Variants in MAGI2 observed in about 807,000 individuals in gnomAD.
MAGI2 encodes the protein membrane-associated guanylate kinase, WW and PDZ domain-containing protein 2.
MAGI2 carries 35 observed loss-of-function variants against 133.3 expected under a neutral mutation model. The ratio of observed to expected loss-of-function variants is 0.26; its 90% CI spans 0.20 to 0.35. The LOEUF is 0.35. Ranked by LOEUF, MAGI2 falls within the 10% of genes least tolerant of loss-of-function variation. The pLI is 1.00. For synonymous variants in MAGI2, 729 were observed against 710.6 expected (o/e 1.03, Z -0.41); for missense variants, 1,636 against 1,863.4 (o/e 0.88, Z 2.25).
intron 15 of MAGI2, among the ~76,000 whole-genome samples, chr7:78,163,287 G>A (rs12154620): frequency 0.1 from 15,387 of 151,934 alleles, 853 homozygotes; most frequent in East Asian, 0.17. Flanking sequence ...ACAGGCGTCC[G>A]CCACCACGCC....
chr7:78,270,914 G>T (rs892739289), intron 9 of MAGI2, among the ~76,000 whole-genome samples: 2 of 152,104 alleles, frequency 1.3e-5, no homozygotes, highest in Non-Finnish European at 2.9e-5. Flanking sequence ...TGCAAACAGT[G>T]ATAATTTGAC....
intron 3 of MAGI2, among the ~76,000 whole-genome samples, chr7:78,524,280 G>A (rs1796764501): frequency 6.6e-6 from 1 of 152,202 alleles, no homozygotes; most frequent in Non-Finnish European, 1.5e-5. Context: ...GCCTTGGAAT[G>A]CTGGCAGGTA....
chr7:78,435,558 A>C (rs192741155), intron 6 of MAGI2, among the ~76,000 whole-genome samples: 36 of 152,200 alleles, frequency 2.4e-4, no homozygotes, highest in African/African-American at 8.2e-4. Context: ...CAAAACACAC[A>C]CAAGTGGGCT....
chr7:78,525,076 A>G (rs146139487), intron 3 of MAGI2, among the ~76,000 whole-genome samples: 1 of 152,170 alleles, frequency 6.6e-6, no homozygotes, highest in Non-Finnish European at 1.5e-5. Flanking sequence ...TGCTAAATTT[A>G]TATTACTAAT....
At chr7:78,690,311 C>T (rs1436791437) in intron 2 of MAGI2, among the ~76,000 whole-genome samples, 1 of 152,166 alleles carries the variant, frequency 6.6e-6, no homozygotes, top group Non-Finnish European at 1.5e-5. Context: ...ACATGTAAAT[C>T]ACAGAGCAGC....
At chr7:78,209,868 A>G (rs1323711550) in intron 10 of MAGI2, among the ~76,000 whole-genome samples, 2 of 152,160 alleles carry the variant, frequency 1.3e-5, no homozygotes, top group African/African-American at 2.4e-5. Context: ...CTCCTCTTCA[A>G]TTGTTGAAGT....
At chr7:78,437,520 G>C (rs1292676325) in intron 6 of MAGI2, among the ~76,000 whole-genome samples, 1 of 152,100 alleles carries the variant, frequency 6.6e-6, no homozygotes, top group Non-Finnish European at 1.5e-5. Flanking sequence ...GCAGGAAATG[G>C]GCCTTGGTAT....
intron 2 of MAGI2, among the ~76,000 whole-genome samples, chr7:78,662,351 G>A (rs76093795): frequency 0.051 from 7,775 of 152,056 alleles, 294 homozygotes; most frequent in East Asian, 0.15. Flanking sequence ...AAAGAATCTT[G>A]TAGTATTTTC....
chr7:78,575,954 C>A (rs183082248), intron 3 of MAGI2, among the ~76,000 whole-genome samples: 5 of 152,104 alleles, frequency 3.3e-5, no homozygotes, highest in African/African-American at 1.2e-4. Flanking sequence ...TTATTAGTTA[C>A]GACAAACATA....
At chr7:78,489,935 T>G in intron 5 of MAGI2, 95 bp from the exon 6 acceptor site, 1 of 865,110 alleles carries the variant, frequency 1.2e-6, no homozygotes, top group Non-Finnish European at 1.8e-6. Context: ...CCAACAAAAT[T>G]GCAATCGATA....
In MAGI2 at chr7:78,632,318, G is replaced by T. The variant is rs543065525; in HGVS notation, c.419-5079C>A. On this transcript the variant is annotated intron_variant, in intron 2 of 21. Transcript: ENST00000354212. ...CATAAATCAGACTGTTAGAACCTAT[G>T]CACAAGTTAGTGGGTCAAATACTGA... 3.3e-5 allele frequency among the ~76,000 whole-genome samples: 5 copies of T among 152,324 alleles called. No individual in the cohort carries two copies. In the South Asian group the frequency reaches 1.0e-3, roughly 32 times the overall value.
intron 1 of MAGI2, among the ~76,000 whole-genome samples, chr7:79,447,590 A>G (rs1848948751): frequency 6.6e-6 from 1 of 152,020 alleles, no homozygotes; most frequent in Admixed American, 6.6e-5. Flanking sequence ...TTGTAACAGT[A>G]TTAATACACA....
intron 3 of MAGI2, among the ~76,000 whole-genome samples, chr7:78,542,178 A>C (rs146264261): frequency 1.3e-5 from 2 of 152,370 alleles, no homozygotes; most frequent in African/African-American, 4.8e-5. Context: ...CTCTTTAAAA[A>C]TGTAAAAGCC....
chr7:78,840,807 G>A (rs1792071754), intron 2 of MAGI2, among the ~76,000 whole-genome samples: 1 of 147,274 alleles, frequency 6.8e-6, no homozygotes. Context: ...TGTACCCTTG[G>A]GCAAATTATT....
chr7:78,471,632 T>C (rs1296447148), intron 6 of MAGI2, among the ~76,000 whole-genome samples: 2 of 152,032 alleles, frequency 1.3e-5, no homozygotes, highest in African/African-American at 4.8e-5. Flanking sequence ...GTTTACTTAA[T>C]AATAGTAGGA....
intron 2 of MAGI2, among the ~76,000 whole-genome samples, chr7:78,855,221 G>C (rs540001543): frequency 6.6e-6 from 1 of 151,874 alleles, no homozygotes; most frequent in Non-Finnish European, 1.5e-5. Context: ...CAAGTAGCTG[G>C]GACTACAGGA....
chr7:79,453,136 G>A lies in MAGI2; in HGVS notation c.185C>T (p.Ser62Leu). Residue 62 changes from serine to leucine, a missense_variant, in exon 1 of 22, where the codon TCG becomes TTG. Ser to Leu is a moderately radical substitution (Grantham distance 145). Coordinates refer to ENST00000354212, the MANE Select transcript of MAGI2 (RefSeq NM_012301.4). ...VAYESGSKLV[S>L]EELLLEVNET... ...GTTCACCTCCAGCAGCAGCTCCTCC[G>A]ACACCAATTTGCTGCCGCTCTCATA... 6.2e-7 allele frequency: 1 copy of A among 1,613,912 alleles called. No homozygotes were observed. Among genetic ancestry groups the A allele is most frequent in the East Asian group, 2.2e-5 (1 of 44,834 alleles).
At chr7:78,746,070 T>C (rs1371751041) in intron 2 of MAGI2, among the ~76,000 whole-genome samples, 3 of 152,200 alleles carry the variant, frequency 2.0e-5, no homozygotes, top group African/African-American at 7.2e-5. Context: ...ACTTGTCACA[T>C]AACAATCAGA....
Position 79,447,366 on chromosome 7 carries a change from G to A in MAGI2, c.301+5654C>T, listed in dbSNP as rs190675026. On this transcript the variant is annotated intron_variant, in intron 1 of 21. Transcript: ENST00000354212. ...AGAAGAGAGCTGAGAATAGAATGGA[G>A]TAAGTAATAATAAAGTCACTAAACT... Among the ~76,000 whole-genome samples, 691 of 152,224 alleles carry A rather than the reference G, an allele frequency of 4.5e-3. 6 individuals are homozygous for A. The highest frequency in any genetic ancestry group is 0.016 in the African/African-American group (646 of 41,546).
Sources: allele counts gnomAD v4.1 joint callset (sites outside exome capture counted in the v4.1 genomes callset), GRCh38; gene constraint gnomAD v4.1.1; transcripts MANE v1.5; gene names NCBI Gene and HGNC (gene_info 2026-07-23, HGNC 2026-07-21).